The following CCDC157 variants were observed in gnomAD, a reference collection of about 807,000 sequenced individuals.
CCDC157 encodes the protein coiled-coil domain containing 157, also known as coiled-coil domain-containing protein 157.
Under a neutral mutation model 70.9 loss-of-function variants are expected in CCDC157, and 60 were observed. That is an observed-to-expected ratio of 0.85 (90% CI 0.69 to 1.05). The LOEUF (loss-of-function observed/expected upper bound fraction) is 1.05, where lower values mean the gene tolerates loss of function less well. CCDC157 is among the 50% of genes least tolerant of loss of function. CCDC157 has a pLI of 0.00. For synonymous variants in CCDC157, 373 were observed against 422.4 expected (o/e 0.88, Z 1.43); for missense variants, 943 against 984.2 (o/e 0.96, Z 0.56).
Position 30,375,537 on chromosome 22 carries a change from C to A in CCDC157, c.1731C>A (p.Val577=). 1 of 1,614,250 alleles carries A rather than the reference C, an allele frequency of 6.2e-7. No individual in the cohort carries two copies. Residue 577 remains valine (V), a synonymous_variant, in exon 10 of 12, where the codon GTC becomes GTA. Transcript: ENST00000338306. ...CATGTCCCACAGACTCTGGCAACGT[C>A]ACAGATCACATGGAGAGGCAAGTGC... is the stretch of plus-strand genomic sequence containing the variant. ...QITCPTDSGN[V]TDHMERQVQS...
intron 1 of CCDC157, among the ~76,000 whole-genome samples, chr22:30,360,871 C>T (rs1932289707): frequency 6.6e-6 from 1 of 151,954 alleles, no homozygotes; most frequent in Non-Finnish European, 1.5e-5. Flanking sequence ...CATAGTGAAA[C>T]CCCATCTCTA....
At chr22:30,373,566 A>AC in intron 7 of CCDC157, 31 bp from the exon 8 acceptor site, 1 of 1,550,786 alleles carries the variant, frequency 6.4e-7, no homozygotes, top group Non-Finnish European at 8.7e-7. Flanking sequence ...TGTGGGTCTC[A>AC]CAGCCTCCCT....
At chr22:30,362,164 C>T (rs1056293269) in intron 2 of CCDC157, 50 bp downstream of exon 2, 1 of 152,476 alleles carries the variant, frequency 6.6e-6, no homozygotes, top group African/African-American at 2.4e-5. Flanking sequence ...CACCCCTCCC[C>T]TGGGTGCCTC....
chr22:30,368,320 C>T (rs1023339397), intron 3 of CCDC157, among the ~76,000 whole-genome samples: 4 of 152,236 alleles, frequency 2.6e-5, no homozygotes, highest in African/African-American at 9.6e-5. Flanking sequence ...GCCCATCCAT[C>T]ATGGCCTGGT....
chr22:30,363,941 CAAA>C (rs1378797209), intron 2 of CCDC157, among the ~76,000 whole-genome samples: 3 of 152,084 alleles, frequency 2.0e-5, no homozygotes, highest in African/African-American at 7.2e-5. Context: ...CTCGGCCTCC[CAAA>C]GTGTTGGGAT....
chr22:30,370,069 C>G (rs1932866499), intron 4 of CCDC157: 2 of 575,272 alleles, frequency 3.5e-6, no homozygotes, highest in Non-Finnish European at 6.2e-6. Context: ...CATCACCTTC[C>G]CAACACCATG....
rs193290693 is a variant in CCDC157 at position 30,376,356 on chromosome 22, G to C, written c.1946+9G>C. On this transcript the variant is annotated intron_variant, in intron 11 of 11. Transcript: ENST00000338306. ...AAGAGCACATCCCCAGGGTGAGTGAGGCTTTACTGGAGGTGGGGCAGGTGA... is the reference window on the plus strand; with the variant it reads ...AAGAGCACATCCCCAGGGTGAGTGACGCTTTACTGGAGGTGGGGCAGGTGA... 3.0e-5 allele frequency: 49 copies of C among 1,613,884 alleles called. No homozygotes were observed. In the East Asian group the frequency reaches 1.1e-3, roughly 35 times the overall value.
chr22:30,357,240 A>T (rs1601707965), intron 1 of CCDC157, 108 bp downstream of exon 1: 1 of 156,694 alleles, frequency 6.4e-6, no homozygotes, highest in African/African-American at 2.4e-5. Flanking sequence ...CCAAGAGCCC[A>T]GCTCCCTCCC....
chr22:30,376,886 G>A lies in CCDC157; in HGVS notation c.*141G>A. 8 of 841,044 alleles carry A rather than the reference G, an allele frequency of 9.5e-6. No individual in the cohort carries two copies. The highest frequency in any genetic ancestry group is 1.5e-5 in the Non-Finnish European group (8 of 550,684). The allele number at this position is 841,044 out of a possible 1,614,324, so 52.1% of individuals were successfully genotyped here. Reference sequence around the variant, plus strand: ...AAGAACCCTTCCTTCCCTGTCCTGGGCAGGGGCCACTGAGTCCCCAGCCAT... The same window carrying A: ...AAGAACCCTTCCTTCCCTGTCCTGGACAGGGGCCACTGAGTCCCCAGCCAT... On this transcript the variant is annotated 3_prime_UTR_variant, in exon 12 of 12. Coordinates refer to ENST00000338306, the MANE Select transcript of CCDC157 (RefSeq NM_001017437.5).
At position 30,369,437 on chromosome 22, in the gene CCDC157, T is replaced by C; in HGVS notation, c.254T>C (p.Leu85Pro). 6.6e-7 allele frequency: 1 copy of C among 1,522,530 alleles called. No individual in the cohort carries two copies. Among genetic ancestry groups the C allele is most frequent in the Non-Finnish European group, 8.9e-7 (1 of 1,128,964 alleles). The allele number at this position is 1,522,530 out of a possible 1,614,324, so 94.3% of individuals were successfully genotyped here. Residue 85 changes from leucine to proline, a missense_variant, in exon 4 of 12, where the codon CTG becomes CCG. Physicochemically the swap from Leu to Pro is moderately conservative, Grantham distance 98. Coordinates refer to ENST00000338306, the MANE Select transcript of CCDC157 (RefSeq NM_001017437.5). ...VLLELVIDRLLLLLQSCMSYL... is the reference protein window; with the variant it reads ...VLLELVIDRLPLLLQSCMSYL... Reference sequence around the variant, plus strand: ...CCTAGCATCTCTGCCCGCAGGCTCCTGCTGCTGCTTCAAAGCTGTATGAGC... The same window carrying C: ...CCTAGCATCTCTGCCCGCAGGCTCCCGCTGCTGCTTCAAAGCTGTATGAGC...
At chr22:30,369,779 G>A (rs5749081) in intron 4 of CCDC157, 176 bp downstream of exon 4, 106,098 of 513,950 alleles carry the variant, frequency 0.21, 12,071 homozygotes, top group Middle Eastern at 0.3. Flanking sequence ...GGTTAAGAAC[G>A]CAGGCCTTGG....
intron 2 of CCDC157, among the ~76,000 whole-genome samples, chr22:30,363,443 A>G (rs534669569): frequency 8.5e-5 from 13 of 152,262 alleles, no homozygotes; most frequent in African/African-American, 3.1e-4. Context: ...TATTGGACCA[A>G]GCACCTTACT....
chr22:30,374,372 G>A (rs1208379626), intron 9 of CCDC157: 2 of 613,812 alleles, frequency 3.3e-6, no homozygotes, highest in Non-Finnish European at 6.1e-6. Flanking sequence ...CCCACAGCCT[G>A]TGCTCTTCAC....
intron 2 of CCDC157, among the ~76,000 whole-genome samples, chr22:30,363,448 C>T: frequency 6.6e-6 from 1 of 152,006 alleles, no homozygotes; most frequent in Non-Finnish European, 1.5e-5. Context: ...GACCAAGCAC[C>T]TTACTCATGA....
chr22:30,378,201 C>G lies in CCDC157; in HGVS notation c.*1456C>G. ...TGAATCCCCCACATGCTTCAAATCC[C>G]TGACTTCCTCCTCTTCTACCAGCAG... is the stretch of plus-strand genomic sequence containing the variant. On this transcript the variant is annotated 3_prime_UTR_variant, in exon 12 of 12. Transcript: ENST00000338306. 2.1e-6 allele frequency: 1 copy of G among 470,128 alleles called. No individual in the cohort carries two copies. Among genetic ancestry groups the G allele is most frequent in the Non-Finnish European group, 4.4e-6 (1 of 226,344 alleles). The allele number at this position is 470,128 out of a possible 1,614,324, so 29.1% of individuals were successfully genotyped here.
At position 30,378,252 on chromosome 22, in the gene CCDC157, G is replaced by T. The variant is rs1933454618; in HGVS notation, c.*1507G>T. ...AAAACTACTTTGAATAGGCTCATGT[G>T]GTTAGGGCAAGGCTCACACTCAAAT... On this transcript the variant is annotated 3_prime_UTR_variant, in exon 12 of 12. Transcript: ENST00000338306. 1 of 453,800 alleles carries T rather than the reference G, an allele frequency of 2.2e-6. No individual in the cohort carries two copies. Among genetic ancestry groups the T allele is most frequent in the Admixed American group, 2.4e-5 (1 of 41,462 alleles). The allele number at this position is 453,800 out of a possible 1,614,324, so 28.1% of individuals were successfully genotyped here.
intron 4 of CCDC157, chr22:30,369,806 C>G: frequency 2.0e-6 from 1 of 491,260 alleles, no homozygotes; most frequent in Admixed American, 3.7e-5. Flanking sequence ...TGCCTTGCTC[C>G]CTGGCTCTGA....
chr22:30,362,684 G>A (rs1464395802), intron 2 of CCDC157, among the ~76,000 whole-genome samples: 1 of 152,226 alleles, frequency 6.6e-6, no homozygotes, highest in Non-Finnish European at 1.5e-5. Context: ...GGCTCTGGCA[G>A]TGTCTGGGGA....
intron 3 of CCDC157, among the ~76,000 whole-genome samples, chr22:30,367,677 A>G (rs1460642838): frequency 6.6e-6 from 1 of 152,062 alleles, no homozygotes; most frequent in Non-Finnish European, 1.5e-5. Context: ...TGTCTCAAAG[A>G]AAGAAAAAGC....
Sources: allele counts gnomAD v4.1 joint callset (sites outside exome capture counted in the v4.1 genomes callset), GRCh38; gene constraint gnomAD v4.1.1; transcripts MANE v1.5; gene names NCBI Gene and HGNC (gene_info 2026-07-23, HGNC 2026-07-21).